ADGRB3: variants seen among roughly 807,000 people sequenced by gnomAD.
The protein encoded by ADGRB3 is adhesion G protein-coupled receptor B3, also known as brain-specific angiogenesis inhibitor 3.
ADGRB3 carries 37 observed loss-of-function variants against 193.4 expected under a neutral mutation model. The observed-to-expected ratio is 0.19, with a 90% CI of 0.15 to 0.25. ADGRB3 has a LOEUF of 0.25. Ranked by LOEUF, ADGRB3 falls within the 10% of genes least tolerant of loss-of-function variation. The probability of loss-of-function intolerance (pLI) is 1.00; values close to 1 mark genes in which losing one functional copy is unlikely to be tolerated. For missense variants in ADGRB3, 1,637 were observed against 1,852.9 expected (o/e 0.88, Z 2.14); for synonymous variants, 690 against 644.2 (o/e 1.07, Z -1.08).
intron 11 of ADGRB3, among the ~76,000 whole-genome samples, chr6:69,002,048 G>C (rs1214514551): frequency 3.9e-5 from 6 of 152,072 alleles, no homozygotes; most frequent in Admixed American, 3.3e-4. Flanking sequence ...ACATCCGCTA[G>C]GTTTAAGAAA....
intron 3 of ADGRB3, among the ~76,000 whole-genome samples, chr6:68,886,920 C>T (rs1433689305): frequency 1.3e-5 from 2 of 151,734 alleles, no homozygotes; most frequent in Non-Finnish European, 2.9e-5. Context: ...ATCCCTATAA[C>T]TTCAATGAAA....
intron 20 of ADGRB3, among the ~76,000 whole-genome samples, chr6:69,248,711 A>G (rs1268558403): frequency 6.6e-6 from 1 of 152,214 alleles, no homozygotes; most frequent in African/African-American, 2.4e-5. Context: ...AATGGATGTG[A>G]CTGGATTTGG....
At chr6:69,386,726 A>T (rs892684579) in intron 31 of ADGRB3, among the ~76,000 whole-genome samples, 2 of 152,010 alleles carry the variant, frequency 1.3e-5, no homozygotes, top group African/African-American at 2.4e-5. Context: ...TGTGTCATTC[A>T]GCCACCAGAC....
chr6:69,031,530 T>TTTCC (rs1770690143), intron 13 of ADGRB3, among the ~76,000 whole-genome samples: 1 of 53,642 alleles, frequency 1.9e-5, no homozygotes, highest in African/African-American at 4.7e-5. Context: ...TCTTTCTTTC[T>TTTCC]TTCTTTCTTT....
Position 68,858,775 on chromosome 6 carries a change from A to G in ADGRB3, c.758-71784A>G, listed in dbSNP as rs1038090452. ...GACCCCTTTCAGCTGCAGATGGGACACAGGGCATCAAGTCCCTAGACTGCA... is the reference window on the plus strand; with the variant it reads ...GACCCCTTTCAGCTGCAGATGGGACGCAGGGCATCAAGTCCCTAGACTGCA... On this transcript the variant is annotated intron_variant, in intron 3 of 31. Coordinates refer to ENST00000370598, the MANE Select transcript of ADGRB3 (RefSeq NM_001704.3). 3.3e-5 allele frequency among the ~76,000 whole-genome samples: 5 copies of G among 151,874 alleles called. No homozygotes were observed. In the East Asian group the frequency reaches 9.7e-4, roughly 29 times the overall value.
intron 17 of ADGRB3, among the ~76,000 whole-genome samples, chr6:69,164,552 CTTGTTATTA>C (rs1210563939): frequency 6.6e-6 from 1 of 151,966 alleles, no homozygotes; most frequent in African/African-American, 2.4e-5. Context: ...TGAGCAGGGT[CTTGTTATTA>C]TTAAAGGTAA....
chr6:69,053,653 G>T (rs1771462619), intron 15 of ADGRB3, among the ~76,000 whole-genome samples: 1 of 152,154 alleles, frequency 6.6e-6, no homozygotes, highest in Non-Finnish European at 1.5e-5. Flanking sequence ...GGTCCTTTGA[G>T]AGAGTGAGAT....
intron 29 of ADGRB3, among the ~76,000 whole-genome samples, chr6:69,363,162 A>G (rs1196447268): frequency 6.6e-6 from 1 of 151,928 alleles, no homozygotes; most frequent in Non-Finnish European, 1.5e-5. Context: ...AATTTTTCCA[A>G]ATTTCCGTAT....
chr6:68,825,172 T>C (rs1767819795), intron 3 of ADGRB3, among the ~76,000 whole-genome samples: 1 of 152,160 alleles, frequency 6.6e-6, no homozygotes, highest in East Asian at 1.9e-4. Flanking sequence ...GAGCCTCTTA[T>C]GGTCTACTTA....
intron 20 of ADGRB3, among the ~76,000 whole-genome samples, chr6:69,277,641 G>A (rs1203233414): frequency 6.6e-6 from 1 of 152,074 alleles, no homozygotes; most frequent in Admixed American, 6.6e-5. Context: ...TGCTGCTATG[G>A]ATTTCTATAG....
At chr6:68,982,466 T>C (rs1336648) in intron 10 of ADGRB3, among the ~76,000 whole-genome samples, 128,588 of 152,082 alleles carry the variant, frequency 0.85, 54,699 homozygotes, top group Middle Eastern at 0.94. Context: ...GTAGAGCCTA[T>C]ATGTGCCCAT....
chr6:68,931,098 A>G (rs1244197602), intron 4 of ADGRB3, among the ~76,000 whole-genome samples: 3 of 152,124 alleles, frequency 2.0e-5, no homozygotes, highest in Non-Finnish European at 2.9e-5. Flanking sequence ...TGTATTAATT[A>G]TTGTTAAAAT....
At chr6:68,837,631 T>C (rs563947817) in intron 3 of ADGRB3, among the ~76,000 whole-genome samples, 4 of 152,216 alleles carry the variant, frequency 2.6e-5, no homozygotes, top group Non-Finnish European at 4.4e-5. Context: ...TCAGGGATCA[T>C]TGACATACCT....
chr6:68,815,959 C>T (rs1314367015), intron 3 of ADGRB3, among the ~76,000 whole-genome samples: 1 of 151,790 alleles, frequency 6.6e-6, no homozygotes, highest in African/African-American at 2.4e-5. Flanking sequence ...AGGTATCTTA[C>T]AACATACTTT....
intron 3 of ADGRB3, among the ~76,000 whole-genome samples, chr6:68,834,828 T>A (rs1472231603): frequency 6.6e-6 from 1 of 152,146 alleles, no homozygotes; most frequent in Non-Finnish European, 1.5e-5. Flanking sequence ...GTGAATATAC[T>A]GTTTATAAAG....
intron 24 of ADGRB3, among the ~76,000 whole-genome samples, chr6:69,334,727 G>T (rs1265033607): frequency 1.3e-5 from 2 of 152,124 alleles, no homozygotes; most frequent in South Asian, 4.1e-4. Flanking sequence ...ACTCAGTTCT[G>T]CTGCTAGTAG....
intron 30 of ADGRB3, among the ~76,000 whole-genome samples, chr6:69,373,573 T>C (rs1769750305): frequency 6.6e-6 from 1 of 152,068 alleles, no homozygotes; most frequent in African/African-American, 2.4e-5. Context: ...ATATATTTAA[T>C]TGTATCCAAA....
chr6:68,646,036 G>T (rs1389308988), intron 3 of ADGRB3, among the ~76,000 whole-genome samples: 2 of 151,942 alleles, frequency 1.3e-5, no homozygotes, highest in Non-Finnish European at 2.9e-5. Context: ...AACAATTTCT[G>T]ATTAAAACTC....
intron 10 of ADGRB3, among the ~76,000 whole-genome samples, chr6:68,978,487 G>A (rs1386603363): frequency 6.6e-6 from 1 of 151,470 alleles, no homozygotes; most frequent in Non-Finnish European, 1.5e-5. Flanking sequence ...TGCCTAAAGA[G>A]CATGATCTTT....
Sources: gnomAD v4.1 joint callset for allele counts (sites outside exome capture counted in the v4.1 genomes callset) on GRCh38, gnomAD v4.1.1 for gene constraint, MANE v1.5 for transcripts, NCBI Gene and HGNC (gene_info 2026-07-23, HGNC 2026-07-21) for gene names.